The following PRSS12 variants were observed in gnomAD, a reference collection of about 807,000 sequenced individuals.
The protein encoded by PRSS12 is serine protease 12.
A neutral mutation model predicts 104.4 loss-of-function variants in PRSS12; 85 were observed. The ratio of observed to expected loss-of-function variants is 0.81; its 90% CI spans 0.68 to 0.98. The LOEUF (loss-of-function observed/expected upper bound fraction) is 0.98. Ranked by LOEUF, PRSS12 falls within the 50% of genes least tolerant of loss-of-function variation. PRSS12 has a pLI of 0.00. For missense variants in PRSS12, 1,141 were observed against 1,139.2 expected, an observed-to-expected ratio of 1.00 and a Z score of -0.02; for synonymous variants, 454 against 425.2, an observed-to-expected ratio of 1.07 and a Z score of -0.83.
chr4:118,298,543 G>A (rs1471358225), intron 9 of PRSS12, among the ~76,000 whole-genome samples, 190 bp downstream of exon 9: 2 of 152,152 alleles, frequency 1.3e-5, no homozygotes, highest in Non-Finnish European at 2.9e-5. Context: ...TCCTACCCCT[G>A]AACCTTGTTC....
intron 11 of PRSS12, among the ~76,000 whole-genome samples, chr4:118,287,959 A>AC (rs1743048200): frequency 6.6e-6 from 1 of 152,234 alleles, no homozygotes. Flanking sequence ...AGGATCTGAG[A>AC]CACAGTAGTT....
intron 7 of PRSS12, among the ~76,000 whole-genome samples, chr4:118,310,911 T>C (rs1743692935): frequency 6.6e-6 from 1 of 151,958 alleles, no homozygotes; most frequent in South Asian, 2.1e-4. Context: ...ATTAGCTGGG[T>C]GTGGTGGCAG....
intron 1 of PRSS12, among the ~76,000 whole-genome samples, chr4:118,351,134 T>C (rs543806284): frequency 1.3e-5 from 2 of 152,298 alleles, no homozygotes; most frequent in East Asian, 1.9e-4. Context: ...ACTAATGCAA[T>C]TGAAGGTACT....
intron 11 of PRSS12, among the ~76,000 whole-genome samples, chr4:118,291,697 G>A (rs867228646): frequency 6.6e-6 from 1 of 152,042 alleles, no homozygotes; most frequent in Non-Finnish European, 1.5e-5. Context: ...CCTGACAGTT[G>A]CTTGAGCACA....
chr4:118,347,246 T>C (rs986489403), intron 1 of PRSS12, among the ~76,000 whole-genome samples: 4 of 152,204 alleles, frequency 2.6e-5, no homozygotes, highest in African/African-American at 9.6e-5. Flanking sequence ...ACCTGCTACA[T>C]AGAACCAAGA....
chr4:118,349,369 G>C lies in PRSS12; in HGVS notation c.502+2850C>G, dbSNP rs185449171. Among the ~76,000 whole-genome samples the C allele has an allele frequency of 3.8e-3, 577 of 149,888 alleles. 4 individuals are homozygous for C. The highest frequency in any genetic ancestry group is 7.0e-3 in the Non-Finnish European group (473 of 67,446). On this transcript the variant is annotated intron_variant, in intron 1 of 12. Coordinates refer to ENST00000296498, the MANE Select transcript of PRSS12 (RefSeq NM_003619.4). ...CAGTGCACTGAGATTGCGCCACTGC[G>C]CTCCAGCCCGGGTGACAGAGAGAGA...
chr4:118,298,668 G>A, intron 9 of PRSS12, 65 bp downstream of exon 9: 1 of 1,416,178 alleles, frequency 7.1e-7, no homozygotes, highest in Middle Eastern at 1.8e-4. Context: ...TCAAAGTACT[G>A]CTTATAGTAA....
At chr4:118,331,116 C>G (rs1201498090) in intron 4 of PRSS12, among the ~76,000 whole-genome samples, 1 of 152,034 alleles carries the variant, frequency 6.6e-6, no homozygotes, top group African/African-American at 2.4e-5. Context: ...GCTTGTTATA[C>G]CAATGTTCAG....
At position 118,299,712 on chromosome 4, in the gene PRSS12, T is replaced by TAAATAAAATAAAATA. The variant is rs1206224261; in HGVS notation, c.1632-789_1632-775dup. Among the ~76,000 whole-genome samples the TAAATAAAATAAAATA allele has an allele frequency of 6.0e-3, 382 of 63,768 alleles. 17 individuals carry two copies. Among genetic ancestry groups the TAAATAAAATAAAATA allele is most frequent in the East Asian group, 0.018 (41 of 2,222 alleles). The allele number at this position is 63,768 out of a possible 152,430, so 41.8% of individuals were successfully genotyped here. A position where few individuals can be genotyped will look rare whatever the true frequency, so the allele number is the denominator to read the frequency against. On this transcript the variant is annotated intron_variant, in intron 8 of 12. Coordinates refer to ENST00000296498, the MANE Select transcript of PRSS12 (RefSeq NM_003619.4). ...AATAAAATAAATAAAATAAATAAAA[T>TAAATAAAATAAAATA]AAATAAAATAAAATAAAATAAAATA...
At chr4:118,291,335 C>G (rs1266348903) in intron 11 of PRSS12, among the ~76,000 whole-genome samples, 1 of 152,176 alleles carries the variant, frequency 6.6e-6, no homozygotes, top group African/African-American at 2.4e-5. Context: ...AACACTACAT[C>G]TTATCTACCA....
intron 7 of PRSS12, among the ~76,000 whole-genome samples, chr4:118,311,208 C>G (rs561483518): frequency 6.6e-6 from 1 of 152,200 alleles, no homozygotes; most frequent in East Asian, 1.9e-4. Flanking sequence ...CATATTTTTA[C>G]CATCCCAGAA....
rs1160549086 is a variant in PRSS12, at chr4:118,335,464, T to G, written c.820+9A>C. 7.4e-6 allele frequency: 12 copies of G among 1,613,726 alleles called. No individual in the cohort carries two copies. The highest frequency in any genetic ancestry group is 1.0e-5 in the Non-Finnish European group (12 of 1,179,822). ...AAGTAAAACAACAGAACTTTTTTCT[T>G]TTTTTTACCATGGGAAAAGCTACAC... On this transcript the variant is annotated intron_variant, in intron 3 of 12. Coordinates refer to ENST00000296498, the MANE Select transcript of PRSS12 (RefSeq NM_003619.4).
chr4:118,332,790 C>T (rs1406684777), intron 3 of PRSS12, among the ~76,000 whole-genome samples: 1 of 152,144 alleles, frequency 6.6e-6, no homozygotes, highest in Non-Finnish European at 1.5e-5. Context: ...AGAAAAGACA[C>T]TCCAAACAAG....
intron 3 of PRSS12, among the ~76,000 whole-genome samples, chr4:118,332,895 G>C (rs917684797): frequency 2.0e-5 from 3 of 152,106 alleles, no homozygotes; most frequent in Non-Finnish European, 4.4e-5. Context: ...AGTGCTGCAG[G>C]GCATTCGAAG....
chr4:118,325,738 G>A (rs1034042772), intron 4 of PRSS12, among the ~76,000 whole-genome samples: 9 of 152,116 alleles, frequency 5.9e-5, no homozygotes, highest in African/African-American at 2.2e-4. Context: ...TGTGTTCTCT[G>A]TCCTTCATGG....
chr4:118,314,590 C>T (rs998762249), intron 6 of PRSS12, among the ~76,000 whole-genome samples: 1 of 151,940 alleles, frequency 6.6e-6, no homozygotes, highest in African/African-American at 2.4e-5. Flanking sequence ...ACAAAAAAAC[C>T]CAAAGTTTAC....
At chr4:118,318,310 G>A in intron 5 of PRSS12, 68 bp downstream of exon 5, 1 of 1,456,294 alleles carries the variant, frequency 6.9e-7, no homozygotes, top group Non-Finnish European at 9.5e-7. Flanking sequence ...TAAGGAGAAG[G>A]GAAGCTGTGG....
chr4:118,352,634 G>A lies in PRSS12; in HGVS notation c.87C>T (p.Leu29=). 1 of 1,612,758 alleles carries A rather than the reference G, an allele frequency of 6.2e-7. No individual in the cohort carries two copies. Among genetic ancestry groups the A allele is most frequent in the Non-Finnish European group, 8.5e-7 (1 of 1,179,432 alleles). Residue 29 remains leucine, a synonymous_variant, in exon 1 of 13, where the codon CTC becomes CTT. Transcript: ENST00000296498. ...GGGGCGAATGGCGGTGGCTGTGGTG[G>A]AGGGAATCATTGAGGACAGAATCAA... ...VGFDSVLNDS[L]HHSHRHSPPA...
chr4:118,298,352 T>C (rs1470044287), intron 9 of PRSS12, among the ~76,000 whole-genome samples: 1 of 152,200 alleles, frequency 6.6e-6, no homozygotes, highest in Non-Finnish European at 1.5e-5. Flanking sequence ...ACTTTAGAAA[T>C]GCCTTTAATT....
Sources: gnomAD v4.1 joint callset for allele counts (sites outside exome capture counted in the v4.1 genomes callset) on GRCh38, gnomAD v4.1.1 for gene constraint, MANE v1.5 for transcripts, NCBI Gene and HGNC (gene_info 2026-07-23, HGNC 2026-07-21) for gene names.